Variants in GPHN observed in about 807,000 individuals in gnomAD.
GPHN encodes gephyrin.
Under a neutral mutation model 95.5 loss-of-function variants are expected in GPHN, and 17 were observed. That is an observed-to-expected ratio of 0.18 (90% CI 0.12 to 0.27). The LOEUF (loss-of-function observed/expected upper bound fraction) is 0.27, where lower values mean the gene tolerates loss of function less well. GPHN is among the 10% of genes least tolerant of loss of function. The pLI, the probability that GPHN is intolerant of heterozygous loss-of-function variation, is 1.00. For synonymous variants in GPHN, 320 were observed against 322.5 expected, an observed-to-expected ratio of 0.99 and a Z score of 0.08; for missense variants, 660 against 978.1, an observed-to-expected ratio of 0.67 and a Z score of 4.34.
At chr14:66,922,275 T>G (rs553811994) in intron 6 of GPHN, among the ~76,000 whole-genome samples, 14 of 151,600 alleles carry the variant, frequency 9.2e-5, no homozygotes, top group Admixed American at 1.3e-4. Context: ...GTGTATGTTT[T>G]TTTTTTTTTT....
At chr14:67,199,963 C>A in the GPHN span, 2 of 1,253,332 alleles carry the variant, frequency 1.6e-6, no homozygotes, top group Non-Finnish European at 1.1e-6. Context: ...AGGAGGAGTG[C>A]CCCATCCAGG....
chr14:67,376,656 C>T, the GPHN span: 1 of 1,518,810 alleles, frequency 6.6e-7, no homozygotes, highest in East Asian at 2.3e-5. Flanking sequence ...TATTTAACAG[C>T]ATAGCATCCA....
chr14:67,659,843 C>T, the GPHN span: 79 of 1,614,016 alleles, frequency 4.9e-5, no homozygotes, highest in East Asian at 3.6e-4. Context: ...AAGGTCCTTC[C>T]GGTAGTTTCG....
chr14:67,578,339 C>T, the GPHN span: 17 of 804,938 alleles, frequency 2.1e-5, no homozygotes, highest in Middle Eastern at 6.2e-4. This position sits in a 1 kb window ranked among gnomAD's most constrained non-coding sequence, Gnocchi z 5.0. Flanking sequence ...TGCATCAGTA[C>T]GGCTGAGCTG....
intron 1 of GPHN, among the ~76,000 whole-genome samples, chr14:66,574,163 G>C (rs2060813537): frequency 6.6e-6 from 1 of 151,842 alleles, no homozygotes; most frequent in Admixed American, 6.6e-5. Context: ...TTATTCTCTT[G>C]TATCTACTAC....
chr14:67,162,131 A>G (rs1464937043), intron 19 of GPHN, among the ~76,000 whole-genome samples: 3 of 152,234 alleles, frequency 2.0e-5, no homozygotes, highest in Non-Finnish European at 4.4e-5. Flanking sequence ...ATGCATAATA[A>G]CAAAATATTT....
chr14:67,276,245 C>T, the GPHN span, among the ~76,000 whole-genome samples: 1 of 151,988 alleles, frequency 6.6e-6, no homozygotes, highest in Non-Finnish European at 1.5e-5. Context: ...CTTGTCTTTC[C>T]AGTTTTATCA....
the GPHN span, among the ~76,000 whole-genome samples, chr14:67,372,741 T>A: frequency 6.6e-6 from 1 of 151,290 alleles, no homozygotes; most frequent in Non-Finnish European, 1.5e-5. Flanking sequence ...GGCAGGAGAA[T>A]CACTTGAACC....
chr14:67,270,007 A>G, the GPHN span: 1 of 152,184 alleles, frequency 6.6e-6, no homozygotes, highest in African/African-American at 2.4e-5. Context: ...GAACATGTTT[A>G]TGCGTATGAA....
intron 2 of GPHN, among the ~76,000 whole-genome samples, chr14:66,753,058 A>G (rs2058429713): frequency 6.6e-6 from 1 of 152,078 alleles, no homozygotes; most frequent in Admixed American, 6.6e-5. Context: ...ATGAAAATTT[A>G]TGGTAGATTC....
the GPHN span, among the ~76,000 whole-genome samples, chr14:67,553,322 T>G: frequency 6.6e-6 from 1 of 152,156 alleles, no homozygotes; most frequent in Admixed American, 6.5e-5. Context: ...CATTTTATTC[T>G]TGAAAAAGAA....
rs562877263 is a variant in GPHN at position 67,108,748 on chromosome 14, T to TGG, written c.1294-1391_1294-1390insGG. On this transcript the variant is annotated intron_variant, in intron 13 of 22. Coordinates refer to ENST00000478722, the MANE Select transcript of GPHN (RefSeq NM_020806.5). ...GTGTGTGTGTGTGTGTGTGTGTGTG[T>TGG]GTGTGGTTTATTTTACTTTGTCTTA... Among the ~76,000 whole-genome samples, 1,175 of 151,596 alleles carry TGG rather than the reference T, an allele frequency of 7.8e-3. 11 individuals carry two copies. Among genetic ancestry groups the TGG allele is most frequent in the Middle Eastern group, 0.014 (4 of 294 alleles).
At position 66,638,921 on chromosome 14, in the gene GPHN, A is replaced by G. The variant is rs141002669; in HGVS notation, c.65-42186A>G. ...ACAACTATCAATGTGTGAATAATGC[A>G]TTTCTCAAAACAAAAAGCAGATAAC... On this transcript the variant is annotated intron_variant, in intron 1 of 22. Transcript: ENST00000478722. Among the ~76,000 whole-genome samples the G allele has an allele frequency of 1.5e-3, 226 of 152,276 alleles. 1 individual carries two copies. The highest frequency in any genetic ancestry group is 2.3e-3 in the Non-Finnish European group (156 of 68,022).
chr14:66,679,300 A>C (rs1288202469), intron 1 of GPHN, among the ~76,000 whole-genome samples: 1 of 152,180 alleles, frequency 6.6e-6, no homozygotes, highest in Non-Finnish European at 1.5e-5. Flanking sequence ...TCTGTTAAAA[A>C]TTCAGCTTTA....
At chr14:67,092,461 T>C (rs2077185463) in intron 12 of GPHN, among the ~76,000 whole-genome samples, 1 of 152,054 alleles carries the variant, frequency 6.6e-6, no homozygotes, top group Non-Finnish European at 1.5e-5. Flanking sequence ...CTTCCAGTAA[T>C]AACCAGTGGC....
At chr14:66,863,942 A>G (rs558641606) in intron 4 of GPHN, among the ~76,000 whole-genome samples, 1 of 152,306 alleles carries the variant, frequency 6.6e-6, no homozygotes, top group East Asian at 1.9e-4. Flanking sequence ...CATAAGCACA[A>G]GCAACCAAAG....
intron 11 of GPHN, among the ~76,000 whole-genome samples, chr14:67,068,547 C>A (rs2076158695): frequency 6.6e-6 from 1 of 152,132 alleles, no homozygotes; most frequent in African/African-American, 2.4e-5. Context: ...TGGCACCATT[C>A]CCTGAAATTC....
the GPHN span, among the ~76,000 whole-genome samples, chr14:67,342,379 T>A: frequency 6.6e-6 from 1 of 151,796 alleles, no homozygotes; most frequent in Non-Finnish European, 1.5e-5. Context: ...ATGTGCTGAA[T>A]TCTATGAATA....
At chr14:67,295,930 T>C in the GPHN span, among the ~76,000 whole-genome samples, 1 of 151,892 alleles carries the variant, frequency 6.6e-6, no homozygotes, top group South Asian at 2.1e-4. Flanking sequence ...AACCAGATAA[T>C]AGAAACCAAA....
Sources: gnomAD v4.1 joint callset for allele counts (sites outside exome capture counted in the v4.1 genomes callset) on GRCh38, gnomAD v4.1.1 for gene constraint, Gnocchi (gnomAD v3.1) non-coding constraint, MANE v1.5 for transcripts, NCBI Gene and HGNC (gene_info 2026-07-23, HGNC 2026-07-21) for gene names.